The following TAFA5 variants were observed in gnomAD, a reference collection of about 807,000 sequenced individuals.
TAFA5 encodes the protein chemokine-like protein TAFA-5.
TAFA5 carries 6 observed loss-of-function variants against 15.3 expected under a neutral mutation model. That is an observed-to-expected ratio of 0.39 (90% CI 0.21 to 0.77). The LOEUF (loss-of-function observed/expected upper bound fraction) is 0.77, where lower values mean the gene tolerates loss of function less well. Ranked by LOEUF, TAFA5 falls within the 30% of genes least tolerant of loss-of-function variation. The pLI, the probability that TAFA5 is intolerant of heterozygous loss-of-function variation, is 0.41. For synonymous variants in TAFA5, 103 were observed against 80.7 expected, an observed-to-expected ratio of 1.28 and a Z score of -1.48; for missense variants, 161 against 193.1, an observed-to-expected ratio of 0.83 and a Z score of 0.98.
intron 2 of TAFA5, among the ~76,000 whole-genome samples, chr22:48,683,582 G>T (rs748975833): frequency 2.6e-5 from 4 of 152,220 alleles, no homozygotes; most frequent in African/African-American, 9.6e-5. Flanking sequence ...GTTCCTCCAC[G>T]GCTCAGGAAC....
intron 3 of TAFA5, among the ~76,000 whole-genome samples, chr22:48,720,117 G>A (rs1929524628): frequency 6.6e-6 from 1 of 152,206 alleles, no homozygotes; most frequent in South Asian, 2.1e-4. Flanking sequence ...GCCCGGTGCA[G>A]AAGGGTGGAC....
chr22:48,589,115 A>T (rs1477545880), intron 1 of TAFA5, among the ~76,000 whole-genome samples: 4 of 152,236 alleles, frequency 2.6e-5, no homozygotes, highest in Non-Finnish European at 4.4e-5. Context: ...ATGCCTGCAC[A>T]GTGACAACTC....
intron 1 of TAFA5, among the ~76,000 whole-genome samples, chr22:48,537,339 C>T (rs1003998868): frequency 2.8e-4 from 42 of 152,204 alleles, no homozygotes; most frequent in Admixed American, 2.2e-3. Context: ...CTGGGAGAGA[C>T]GGGGTCTGGC....
At chr22:48,682,159 A>T (rs1250754796) in intron 2 of TAFA5, among the ~76,000 whole-genome samples, 21 of 152,130 alleles carry the variant, frequency 1.4e-4, no homozygotes, top group Admixed American at 1.4e-3. Context: ...CTCCTGCTCC[A>T]GGTTGTGGCC....
At chr22:48,632,287 T>C (rs149838299) in intron 1 of TAFA5, among the ~76,000 whole-genome samples, 152,306 of 152,318 alleles carry the variant, frequency 1, 76,147 homozygotes, top group Middle Eastern at 1. Flanking sequence ...AGTCCAGAGA[T>C]GGACGGGTGT....
intron 1 of TAFA5, among the ~76,000 whole-genome samples, chr22:48,548,830 G>A (rs916282): frequency 0.032 from 4,902 of 152,300 alleles, 270 homozygotes; most frequent in African/African-American, 0.11. Context: ...CTTTAATCCA[G>A]TTCCCTATAC....
intron 3 of TAFA5, among the ~76,000 whole-genome samples, chr22:48,710,022 C>T (rs1472968097): frequency 6.6e-6 from 1 of 152,228 alleles, no homozygotes; most frequent in African/African-American, 2.4e-5. Context: ...TGGGCACACT[C>T]ACAGTGCTGT....
Position 48,662,742 on chromosome 22 carries a change from G to GACA in TAFA5, c.262+15997_262+15998insCAA, listed in dbSNP as rs367855182. ...AAGCCTGCTTGGGTGTGGGAGTGTT[G>GACA]AGGTCACCAGGGAAACTGAGGCGGC... is the stretch of plus-strand genomic sequence containing the variant. On this transcript the variant is annotated intron_variant, in intron 2 of 3. Coordinates refer to ENST00000402357, the MANE Select transcript of TAFA5 (RefSeq NM_001082967.3). Among the ~76,000 whole-genome samples the GACA allele has an allele frequency of 7.0e-4, 106 of 152,324 alleles. 1 individual carries two copies. Among genetic ancestry groups the GACA allele is most frequent in the Non-Finnish European group, 1.4e-3 (98 of 68,022 alleles).
At chr22:48,494,417 G>A (rs1321618616) in intron 1 of TAFA5, among the ~76,000 whole-genome samples, 2 of 152,198 alleles carry the variant, frequency 1.3e-5, no homozygotes, top group Non-Finnish European at 2.9e-5. Flanking sequence ...GGGTGGAGAT[G>A]GACAAGGAGG....
Position 48,576,272 on chromosome 22 carries a change from C to A in TAFA5, c.113-70325C>A, listed in dbSNP as rs899070758. ...CCGCCCGCCCCCTCCGCGGCGCCCC[C>A]CTCCCCCCGCCCGCTCCCCTCCCCC... is the stretch of plus-strand genomic sequence containing the variant. On this transcript the variant is annotated intron_variant, in intron 1 of 3. Transcript: ENST00000402357. 5.3e-4 allele frequency: 422 copies of A among 796,198 alleles called. 3 individuals carry two copies. The African/African-American group carries it at 7.1e-3, about 13-fold the overall frequency. 49.3% of individuals were successfully genotyped at this position (796,198 alleles called of 1,614,324 possible). A position where few individuals can be genotyped will look rare whatever the true frequency, so the allele number is the denominator to read the frequency against.
chr22:48,648,857 A>G (rs1469270065), intron 2 of TAFA5, among the ~76,000 whole-genome samples: 3 of 152,154 alleles, frequency 2.0e-5, no homozygotes, highest in South Asian at 2.1e-4. Context: ...GAATGCTGGT[A>G]TCACCGGGAG....
At chr22:48,693,574 C>A (rs1464382706) in intron 2 of TAFA5, among the ~76,000 whole-genome samples, 1 of 152,128 alleles carries the variant, frequency 6.6e-6, no homozygotes, top group Non-Finnish European at 1.5e-5. Context: ...CTGTTCCCAC[C>A]CCTGGTCCGG....
At chr22:48,543,776 G>A (rs370406223) in intron 1 of TAFA5, 1 of 152,500 alleles carries the variant, frequency 6.6e-6, no homozygotes. Context: ...ATTCAGTTAG[G>A]CTCTGGACAG....
chr22:48,658,325 A>G (rs1042408770), intron 2 of TAFA5, among the ~76,000 whole-genome samples: 1 of 152,222 alleles, frequency 6.6e-6, no homozygotes, highest in Non-Finnish European at 1.5e-5. Context: ...TGAGGAGGAC[A>G]GAGGCAGGTC....
chr22:48,609,733 G>A (rs1925329197), intron 1 of TAFA5, among the ~76,000 whole-genome samples: 1 of 152,230 alleles, frequency 6.6e-6, no homozygotes, highest in South Asian at 2.1e-4. Flanking sequence ...CCGTGCTTCT[G>A]GAGGCCGGGG....
intron 1 of TAFA5, among the ~76,000 whole-genome samples, chr22:48,577,155 TC>T (rs932301115): frequency 1.3e-5 from 2 of 152,224 alleles, no homozygotes; most frequent in Admixed American, 1.3e-4. Flanking sequence ...GCCCCTGCTC[TC>T]TTGGTCTTTG....
chr22:48,735,366 A>G (rs1273070514), intron 3 of TAFA5, among the ~76,000 whole-genome samples: 2 of 152,176 alleles, frequency 1.3e-5, no homozygotes, highest in East Asian at 3.9e-4. Context: ...GTGTCTCATA[A>G]CCTTGTGATA....
Position 48,734,468 on chromosome 22 carries a change from C to T in TAFA5, c.391-15371C>T, listed in dbSNP as rs542987366. ...AAAGACTTTGGAACGGAAGACTCACCCAGGTGTCCTCGTCCTGCTGGTGTA... is the reference window on the plus strand; with the variant it reads ...AAAGACTTTGGAACGGAAGACTCACTCAGGTGTCCTCGTCCTGCTGGTGTA... On this transcript the variant is annotated intron_variant, in intron 3 of 3. Transcript: ENST00000402357. Among the ~76,000 whole-genome samples the T allele has an allele frequency of 2.0e-5, 3 of 152,316 alleles. No homozygotes were observed. In the South Asian group the frequency reaches 6.2e-4, roughly 32 times the overall value.
Position 48,553,201 on chromosome 22 carries a change from C to T in TAFA5, c.112+63497C>T, listed in dbSNP as rs189056385. Among the ~76,000 whole-genome samples the T allele has an allele frequency of 1.2e-4, 18 of 152,266 alleles. No homozygotes were observed. In the East Asian group the frequency reaches 3.5e-3, roughly 30 times the overall value. Reference sequence around the variant, plus strand: ...CCTCGTCAGGGGAGCCCTCCTGGACCACCTTGACTCCACAGGCCCCCCGCT... The same window carrying T: ...CCTCGTCAGGGGAGCCCTCCTGGACTACCTTGACTCCACAGGCCCCCCGCT... On this transcript the variant is annotated intron_variant, in intron 1 of 3. Coordinates refer to ENST00000402357, the MANE Select transcript of TAFA5 (RefSeq NM_001082967.3).
Sources: allele counts gnomAD v4.1 joint callset (sites outside exome capture counted in the v4.1 genomes callset), GRCh38; gene constraint gnomAD v4.1.1; transcripts MANE v1.5; gene names NCBI Gene and HGNC (gene_info 2026-07-23, HGNC 2026-07-21).